Variants in ADAM12 observed in about 807,000 individuals in gnomAD.
ADAM12 encodes disintegrin and metalloproteinase domain-containing protein 12.
A neutral mutation model predicts 106.4 loss-of-function variants in ADAM12; 70 were observed. The observed-to-expected ratio is 0.66, with a 90% CI of 0.54 to 0.80. The LOEUF is 0.80. ADAM12 is among the 30% of genes least tolerant of loss of function. The probability of loss-of-function intolerance (pLI) is 0.00; values close to 1 mark genes in which losing one functional copy is unlikely to be tolerated. For synonymous variants in ADAM12, 420 were observed against 433.5 expected, an observed-to-expected ratio of 0.97 and a Z score of 0.39; for missense variants, 1,010 against 1,171.9, an observed-to-expected ratio of 0.86 and a Z score of 2.02.
At chr10:126,222,266 T>TA (rs962520731) in intron 3 of ADAM12, among the ~76,000 whole-genome samples, 18 of 150,974 alleles carry the variant, frequency 1.2e-4, no homozygotes, top group Admixed American at 2.0e-4. Context: ...TTTATTTCTA[T>TA]AAAAAAAAAG....
At chr10:126,113,687 A>AATATATAT (rs71309278) in intron 6 of ADAM12, among the ~76,000 whole-genome samples, 26 of 24,114 alleles carry the variant, frequency 1.1e-3, no homozygotes, top group East Asian at 1.9e-3. Flanking sequence ...AAAAAAAAAA[A>AATATATAT]ATATATATAT....
chr10:126,142,410 T>A (rs927364114), intron 4 of ADAM12, among the ~76,000 whole-genome samples: 17 of 152,202 alleles, frequency 1.1e-4, no homozygotes, highest in African/African-American at 3.9e-4. Flanking sequence ...AAGGGATGGG[T>A]TGGGCTACTT....
intron 3 of ADAM12, among the ~76,000 whole-genome samples, chr10:126,223,635 C>T (rs1958138272): frequency 1.3e-5 from 2 of 152,228 alleles, no homozygotes; most frequent in Non-Finnish European, 2.9e-5. Flanking sequence ...ACGAGAAGAG[C>T]AGCCCGCGTG....
rs77897861 is a variant in ADAM12, at chr10:126,049,148, T to G, written c.1917+105A>C. The G allele has an allele frequency of 2.7e-4, 385 of 1,416,550 alleles. 3 individuals carry two copies. In the East Asian group the frequency reaches 8.3e-3, roughly 31 times the overall value. 87.7% of individuals were successfully genotyped at this position (1,416,550 alleles called of 1,614,324 possible). A position where few individuals can be genotyped will look rare whatever the true frequency, so the allele number is the denominator to read the frequency against. ...TCTTCTAGGTGCATCTGAGAAGAAG[T>G]AGATTTAGGAAAACCAACAAACCTT... On this transcript the variant is annotated intron_variant, in intron 16 of 22. Coordinates refer to ENST00000448723, the MANE Select transcript of ADAM12 (RefSeq NM_001288973.2). This position sits in a 1 kb window ranked among gnomAD's most constrained non-coding sequence, Gnocchi z 4.4.
intron 2 of ADAM12, among the ~76,000 whole-genome samples, chr10:126,300,778 A>G (rs1960585843): frequency 6.6e-6 from 1 of 152,156 alleles, no homozygotes; most frequent in African/African-American, 2.4e-5. Flanking sequence ...CTGACGTAAA[A>G]GGCTACATAG....
chr10:126,144,938 T>G (rs1956598100), intron 4 of ADAM12, among the ~76,000 whole-genome samples: 1 of 152,160 alleles, frequency 6.6e-6, no homozygotes, highest in Non-Finnish European at 1.5e-5. Flanking sequence ...AGCTGGACTC[T>G]GGCTTGTGAT....
intron 3 of ADAM12, among the ~76,000 whole-genome samples, chr10:126,168,134 C>T (rs1220875915): frequency 6.6e-6 from 1 of 152,120 alleles, no homozygotes; most frequent in Non-Finnish European, 1.5e-5. Flanking sequence ...GAGAGAGGTG[C>T]CTTTTCAGCT....
intron 3 of ADAM12, among the ~76,000 whole-genome samples, chr10:126,173,280 G>A (rs1015696160): frequency 1.3e-5 from 2 of 152,152 alleles, no homozygotes; most frequent in African/African-American, 2.4e-5. Flanking sequence ...AAATTGAAGT[G>A]TTAAGAGGAG....
intron 3 of ADAM12, among the ~76,000 whole-genome samples, chr10:126,223,209 G>A (rs1197605678): frequency 2.0e-5 from 3 of 152,172 alleles, no homozygotes; most frequent in African/African-American, 7.2e-5. Flanking sequence ...ATAAACTTGT[G>A]TTATTCAATC....
At chr10:126,141,461 T>A (rs921141354) in intron 4 of ADAM12, among the ~76,000 whole-genome samples, 1 of 145,756 alleles carries the variant, frequency 6.9e-6, no homozygotes, top group Non-Finnish European at 1.6e-5. Flanking sequence ...GAAAATTACA[T>A]CTTTTCCTTT....
chr10:126,168,660 C>T (rs1329604289), intron 3 of ADAM12, among the ~76,000 whole-genome samples: 4 of 152,168 alleles, frequency 2.6e-5, no homozygotes, highest in Non-Finnish European at 5.9e-5. Flanking sequence ...GTTTTTCATA[C>T]ACCAGCCAGT....
intron 2 of ADAM12, among the ~76,000 whole-genome samples, chr10:126,307,320 G>A (rs1378887074): frequency 1.3e-5 from 2 of 151,970 alleles, no homozygotes; most frequent in Non-Finnish European, 2.9e-5. Context: ...TTATATATTG[G>A]TGGCTCTGTT....
rs148871070 is a variant in ADAM12, at chr10:126,033,409, A to G, written c.2529+2737T>C. Among the ~76,000 whole-genome samples, 84 of 152,350 alleles carry G rather than the reference A, an allele frequency of 5.5e-4. No homozygotes were observed. In the South Asian group the frequency reaches 8.7e-3, roughly 16 times the overall value. On this transcript the variant is annotated intron_variant, in intron 21 of 22. Coordinates refer to ENST00000448723, the MANE Select transcript of ADAM12 (RefSeq NM_001288973.2). ...CACCCTATTTCTCCTGCTAAGTGCA[A>G]CAAAAATGTCTGGACATAAAGTATG...
chr10:126,277,363 GCAC>G lies in ADAM12; in HGVS notation c.260+1549_260+1551del, dbSNP rs1308885919. Reference sequence around the variant, plus strand: ...CAGGATTAGCCTCCCCTCATGCTGTGCACCACGTTTCTTCCAACAGCCTAACAA... The same window carrying G: ...CAGGATTAGCCTCCCCTCATGCTGTGCACGTTTCTTCCAACAGCCTAACAA... On this transcript the variant is annotated intron_variant, in intron 3 of 22. Transcript: ENST00000448723. 4.6e-5 allele frequency among the ~76,000 whole-genome samples: 7 copies of G among 151,974 alleles called. No individual in the cohort carries two copies. In the East Asian group the frequency reaches 1.2e-3, roughly 25 times the overall value.
At chr10:126,034,309 G>A (rs892381547) in intron 21 of ADAM12, among the ~76,000 whole-genome samples, 3 of 152,142 alleles carry the variant, frequency 2.0e-5, no homozygotes, top group African/African-American at 7.2e-5. Context: ...AGAGGCCATG[G>A]ATGCTGCTAA....
chr10:126,036,221 G>C lies in ADAM12; in HGVS notation c.2454C>G (p.Pro818=). The change falls in exon 21 of 23, where the codon CCC becomes CCG. Residue 818 remains proline, a synonymous_variant. Transcript: ENST00000448723. ...QPQSTQRVLP[P]LHRAPRAPSV... ...TAGGTGCACGTGGAGCCCGGTGGAG[G>C]GGAGGAAGCACTCGCTGAGTTGACT... 1 of 1,551,942 alleles carries C rather than the reference G, an allele frequency of 6.4e-7. No individual in the cohort carries two copies. The highest frequency in any genetic ancestry group is 8.7e-7 in the Non-Finnish European group (1 of 1,154,188).
intron 5 of ADAM12, among the ~76,000 whole-genome samples, chr10:126,125,485 C>T (rs1049764050): frequency 2.6e-5 from 4 of 151,952 alleles, no homozygotes; most frequent in African/African-American, 7.3e-5. Flanking sequence ...CCCCGTGATC[C>T]GCCAGCCTCG....
chr10:126,152,310 C>G (rs967707097), intron 4 of ADAM12, among the ~76,000 whole-genome samples: 2 of 151,834 alleles, frequency 1.3e-5, no homozygotes. Flanking sequence ...TTCAGAAATC[C>G]TTTAATTAGG....
At chr10:126,334,798 C>T (rs17154729) in intron 1 of ADAM12, among the ~76,000 whole-genome samples, 9,087 of 152,146 alleles carry the variant, frequency 0.06, 511 homozygotes, top group East Asian at 0.23. Context: ...CCTACATCCG[C>T]GCAAGCTCCA....
Sources: gnomAD v4.1 joint callset for allele counts (sites outside exome capture counted in the v4.1 genomes callset) on GRCh38, gnomAD v4.1.1 for gene constraint, Gnocchi (gnomAD v3.1) non-coding constraint, MANE v1.5 for transcripts, NCBI Gene and HGNC (gene_info 2026-07-23, HGNC 2026-07-21) for gene names.